Variants in CMIP observed in about 807,000 individuals in gnomAD.
The protein encoded by CMIP is c-Maf inducing protein, also known as C-Maf-inducing protein.
A neutral mutation model predicts 97.3 loss-of-function variants in CMIP; 13 were observed. That is an observed-to-expected ratio of 0.13 (90% CI 0.09 to 0.21). The LOEUF (loss-of-function observed/expected upper bound fraction) is 0.21, where lower values mean the gene tolerates loss of function less well. CMIP is among the 10% of genes least tolerant of loss of function. The pLI is 1.00. For missense variants in CMIP, 847 were observed against 1,024.9 expected (o/e 0.83, Z 2.37); for synonymous variants, 538 against 436.3 (o/e 1.23, Z -2.91).
Position 81,513,218 on chromosome 16 carries a change from C to T in CMIP, c.300+67677C>T, listed in dbSNP as rs1299120215. ...CCCCCTAGATCGAGTTTTCGTAGAGCGGGGCCTGCCTGCATCCGTTGCTGC... is the reference window on the plus strand; with the variant it reads ...CCCCCTAGATCGAGTTTTCGTAGAGTGGGGCCTGCCTGCATCCGTTGCTGC... On this transcript the variant is annotated intron_variant, in intron 1 of 20. Transcript: ENST00000537098. 2.0e-5 allele frequency among the ~76,000 whole-genome samples: 3 copies of T among 152,188 alleles called. No homozygotes were observed. The East Asian group carries it at 5.8e-4, about 29-fold the overall frequency.
At chr16:81,694,233 G>A (rs1219159687) in intron 13 of CMIP, among the ~76,000 whole-genome samples, 1 of 152,188 alleles carries the variant, frequency 6.6e-6, no homozygotes, top group Non-Finnish European at 1.5e-5. Flanking sequence ...TGTGTGCTGT[G>A]CTCTGAGATG....
intron 12 of CMIP, 107 bp from the exon 13 acceptor site, chr16:81,693,332 G>A: frequency 6.7e-7 from 1 of 1,483,424 alleles, no homozygotes; most frequent in Non-Finnish European, 9.2e-7. Flanking sequence ...CCACCGCCTT[G>A]CCCAGCTCCC....
intron 4 of CMIP, among the ~76,000 whole-genome samples, chr16:81,654,435 T>A (rs980364828): frequency 1.3e-5 from 2 of 152,142 alleles, no homozygotes; most frequent in African/African-American, 4.8e-5. Context: ...CAGCTGACCC[T>A]TAAGTGCTAG....
At chr16:81,639,382 C>T (rs2092276473) in intron 3 of CMIP, among the ~76,000 whole-genome samples, 1 of 152,228 alleles carries the variant, frequency 6.6e-6, no homozygotes, top group Admixed American at 6.5e-5. Context: ...ACTTTCTCCT[C>T]TTCCCAAATG....
At chr16:81,703,891 C>T (rs759747445) in intron 17 of CMIP, 48 bp from the exon 18 acceptor site, 7 of 1,556,708 alleles carry the variant, frequency 4.5e-6, no homozygotes, top group East Asian at 4.7e-5. Flanking sequence ...CTCAGGGTCT[C>T]GGGAACTCCC....
intron 10 of CMIP, among the ~76,000 whole-genome samples, chr16:81,690,739 A>G (rs996496296): frequency 1.3e-5 from 2 of 152,242 alleles, no homozygotes; most frequent in Non-Finnish European, 2.9e-5. Context: ...AGCATGGCCA[A>G]CATGGCAAAA....
chr16:81,679,343 G>A (rs1350992231), intron 10 of CMIP, among the ~76,000 whole-genome samples: 1 of 152,144 alleles, frequency 6.6e-6, no homozygotes, highest in African/African-American at 2.4e-5. Context: ...GGCTGTGGCT[G>A]CATGCATGTG....
chr16:81,704,084 A>T lies in CMIP; in HGVS notation c.2090A>T (p.Gln697Leu). Residue 697 changes from glutamine to leucine, a missense_variant and splice_region_variant, in exon 18 of 21, where the codon CAG becomes CTG. Gln to Leu is a moderately radical substitution (Grantham distance 113, BLOSUM62 -2). This residue lies in a region of CMIP where 266 missense variants were observed against 384.2 expected (regional missense o/e 0.69). Transcript: ENST00000537098. ...SLKQLNLWST[Q>L]FGDAGLRLLS... ...AAGCAGCTGAACCTGTGGTCCACTC[A>T]GGTACGTCCTCCCGCCCTGCTGCAG... 1 of 1,603,442 alleles carries T rather than the reference A, an allele frequency of 6.2e-7. No individual in the cohort carries two copies. Among genetic ancestry groups the T allele is most frequent in the East Asian group, 2.2e-5 (1 of 44,522 alleles).
At chr16:81,707,270 A>G (rs1327432594) in intron 20 of CMIP, among the ~76,000 whole-genome samples, 186 bp downstream of exon 20, 1 of 152,268 alleles carries the variant, frequency 6.6e-6, no homozygotes, top group Non-Finnish European at 1.5e-5. Flanking sequence ...AATTGGAAAT[A>G]GGAAGGCCTG....
At chr16:81,588,309 C>T (rs111227701) in intron 1 of CMIP, among the ~76,000 whole-genome samples, 359 of 152,340 alleles carry the variant, frequency 2.4e-3, no homozygotes, top group Non-Finnish European at 3.7e-3. Flanking sequence ...CCTTTCTTCT[C>T]TCTCTCTTTT....
intron 1 of CMIP, among the ~76,000 whole-genome samples, chr16:81,452,178 C>T (rs890701258): frequency 1.3e-5 from 2 of 152,202 alleles, no homozygotes; most frequent in African/African-American, 2.4e-5. Flanking sequence ...AGGAAGAGAA[C>T]ACGGCAGACC....
At chr16:81,530,488 C>T (rs571214701) in intron 1 of CMIP, among the ~76,000 whole-genome samples, 2 of 151,996 alleles carry the variant, frequency 1.3e-5, no homozygotes, top group Admixed American at 6.6e-5. Flanking sequence ...TTTGTGGGAT[C>T]GGTGTAGCCC....
At chr16:81,668,499 A>T (rs1159714837) in intron 7 of CMIP, among the ~76,000 whole-genome samples, 2 of 152,078 alleles carry the variant, frequency 1.3e-5, no homozygotes, top group South Asian at 4.1e-4. Context: ...TGTCTTCCTG[A>T]CACCTGGAAG....
chr16:81,496,433 A>G (rs756997026), intron 1 of CMIP, among the ~76,000 whole-genome samples: 2 of 152,182 alleles, frequency 1.3e-5, no homozygotes, highest in East Asian at 1.9e-4. Context: ...TTGCTTCTCA[A>G]CCCTGACAAG....
chr16:81,595,817 G>A (rs1180495338), intron 1 of CMIP, among the ~76,000 whole-genome samples: 1 of 151,996 alleles, frequency 6.6e-6, no homozygotes, highest in Non-Finnish European at 1.5e-5. Flanking sequence ...TCCATGTTTT[G>A]GTTCTTATGA....
At chr16:81,492,323 A>G (rs2089418788) in intron 1 of CMIP, among the ~76,000 whole-genome samples, 1 of 152,202 alleles carries the variant, frequency 6.6e-6, no homozygotes, top group South Asian at 2.1e-4. Context: ...CGTGTTGAAA[A>G]TGGTGCAGTG....
At position 81,652,926 on chromosome 16, in the gene CMIP, C is replaced by G. The variant is rs1207048155; in HGVS notation, c.639+562C>G. On this transcript the variant is annotated intron_variant, in intron 4 of 20. Coordinates refer to ENST00000537098, the MANE Select transcript of CMIP (RefSeq NM_198390.3). The surrounding 1 kb of genome is among the most constrained non-coding windows in gnomAD (Gnocchi z 5.2). Reference sequence around the variant, plus strand: ...CGCATATTGAATGTGTGCTTTGTGCCAGGCACCATCTGGGAATTCAAGCAA... The same window carrying G: ...CGCATATTGAATGTGTGCTTTGTGCGAGGCACCATCTGGGAATTCAAGCAA... Among the ~76,000 whole-genome samples, 1 of 152,122 alleles carries G rather than the reference C, an allele frequency of 6.6e-6. No homozygotes were observed. Among genetic ancestry groups the G allele is most frequent in the Non-Finnish European group, 1.5e-5 (1 of 68,028 alleles).
intron 2 of CMIP, among the ~76,000 whole-genome samples, chr16:81,613,816 A>T (rs1462483069): frequency 1.3e-5 from 2 of 152,174 alleles, no homozygotes; most frequent in East Asian, 3.8e-4. Context: ...CCATTTATCC[A>T]TCAGACTGTC....
At chr16:81,636,580 C>CAA (rs200195305) in intron 3 of CMIP, among the ~76,000 whole-genome samples, 102 of 106,638 alleles carry the variant, frequency 9.6e-4, no homozygotes, top group Middle Eastern at 4.8e-3. Context: ...AACTTCGTCT[C>CAA]AAAAAAAAAA....
Sources: allele counts gnomAD v4.1 joint callset (sites outside exome capture counted in the v4.1 genomes callset), GRCh38; gene constraint gnomAD v4.1.1; regional missense constraint gnomAD v4.1.1; non-coding constraint Gnocchi (gnomAD v3.1); transcripts MANE v1.5; gene names NCBI Gene and HGNC (gene_info 2026-07-23, HGNC 2026-07-21).